Variants in ZNF469 observed in about 807,000 individuals in gnomAD.
The protein encoded by ZNF469 is zinc finger protein 469.
A neutral mutation model predicts 1.0 loss-of-function variants in ZNF469; 1 was observed. That is an observed-to-expected ratio of 1.00 (90% CI 0.35 to 4.73). The LOEUF (loss-of-function observed/expected upper bound fraction) is 4.73, where lower values mean the gene tolerates loss of function less well. ZNF469 is among the 30% of genes most tolerant of loss of function. The pLI, the probability that ZNF469 is intolerant of heterozygous loss-of-function variation, is 0.16. For missense variants in ZNF469, 6,100 were observed against 5,356.3 expected (o/e 1.14, Z -4.33); for synonymous variants, 2,703 against 2,363.4 (o/e 1.14, Z -4.17).
the ZNF469 span, among the ~76,000 whole-genome samples, chr16:88,320,418 C>T: frequency 6.6e-6 from 1 of 152,206 alleles, no homozygotes; most frequent in African/African-American, 2.4e-5. Context: ...GAATCTTGCT[C>T]TGTCGCCCAG....
the ZNF469 span, among the ~76,000 whole-genome samples, chr16:88,200,052 G>C: frequency 1.2e-4 from 19 of 152,220 alleles, no homozygotes; most frequent in Non-Finnish European, 2.1e-4. Flanking sequence ...CTTTGGGACG[G>C]TCAAACAGGC....
the ZNF469 span, among the ~76,000 whole-genome samples, chr16:88,245,680 A>G: frequency 1.3e-5 from 2 of 152,238 alleles, no homozygotes; most frequent in Non-Finnish European, 2.9e-5. Context: ...CCTTGCCTAC[A>G]GAGCTCATGA....
At chr16:88,397,090 C>A (rs1283610304) in intron 1 of ZNF469, among the ~76,000 whole-genome samples, 3 of 152,100 alleles carry the variant, frequency 2.0e-5, no homozygotes, top group African/African-American at 7.2e-5. Context: ...AGGCAGAGAC[C>A]CTGCTGCAGG....
the ZNF469 span, among the ~76,000 whole-genome samples, chr16:88,353,726 G>C: frequency 1.3e-5 from 2 of 152,220 alleles, no homozygotes; most frequent in Non-Finnish European, 2.9e-5. Context: ...AATTTGCTAT[G>C]GATTGAAATG....
In ZNF469 at chr16:88,439,563, C is replaced by T; in HGVS notation, c.*231C>T. The T allele has an allele frequency of 1.7e-6, 1 of 578,606 alleles. No individual in the cohort carries two copies. The highest frequency in any genetic ancestry group is 3.0e-5 in the East Asian group (1 of 33,772). 35.8% of individuals were successfully genotyped at this position (578,606 alleles called of 1,614,324 possible). A position where few individuals can be genotyped will look rare whatever the true frequency, so the allele number is the denominator to read the frequency against. ...GGTGAAAGACGGGGCCACTGCAGCC[C>T]TTTTGAGACCACACAGCTGTTTTCT... On this transcript the variant is annotated 3_prime_UTR_variant, in exon 3 of 3. Transcript: ENST00000565624.
chr16:88,227,285 C>T, the ZNF469 span, among the ~76,000 whole-genome samples: 1 of 152,178 alleles, frequency 6.6e-6, no homozygotes, highest in Non-Finnish European at 1.5e-5. Flanking sequence ...CAGTGTCTAG[C>T]ACAGGAAGAG....
the ZNF469 span, among the ~76,000 whole-genome samples, chr16:88,188,263 C>T: frequency 2.2e-4 from 33 of 152,026 alleles, no homozygotes; most frequent in African/African-American, 7.2e-4. Flanking sequence ...GCACCACAGG[C>T]TGCTCCCTCC....
chr16:88,370,579 G>A, the ZNF469 span, among the ~76,000 whole-genome samples: 2 of 152,152 alleles, frequency 1.3e-5, no homozygotes, highest in African/African-American at 4.8e-5. Flanking sequence ...GTGTGACTGG[G>A]CTGCTGCGTG....
the ZNF469 span, among the ~76,000 whole-genome samples, chr16:88,296,202 G>C: frequency 6.6e-6 from 1 of 152,188 alleles, no homozygotes; most frequent in Non-Finnish European, 1.5e-5. Flanking sequence ...TGGGGCTTCT[G>C]TGTCCAGACT....
the ZNF469 span, among the ~76,000 whole-genome samples, chr16:88,235,530 G>A: frequency 2.6e-5 from 4 of 152,314 alleles, no homozygotes; most frequent in Admixed American, 6.5e-5. Context: ...CAGCGCTGTC[G>A]CACTCCTTGA....
intron 1 of ZNF469, among the ~76,000 whole-genome samples, chr16:88,400,893 G>A (rs1430185074): frequency 6.6e-6 from 1 of 151,970 alleles, no homozygotes; most frequent in Non-Finnish European, 1.5e-5. Context: ...CAGAGGGCCA[G>A]GGGGTGGCGG....
chr16:88,227,686 A>C, the ZNF469 span, among the ~76,000 whole-genome samples: 4 of 147,840 alleles, frequency 2.7e-5, no homozygotes, highest in South Asian at 4.3e-4. Flanking sequence ...CCATATGTTC[A>C]TCTCTGTGTT....
At chr16:88,330,476 C>T in the ZNF469 span, among the ~76,000 whole-genome samples, 5 of 152,212 alleles carry the variant, frequency 3.3e-5, no homozygotes, top group African/African-American at 1.2e-4. Flanking sequence ...CACGCATATT[C>T]CCAGTGGTTC....
chr16:88,169,862 GCCCACCA>G, the ZNF469 span, among the ~76,000 whole-genome samples: 1 of 152,224 alleles, frequency 6.6e-6, no homozygotes, highest in Non-Finnish European at 1.5e-5. The surrounding 1 kb of genome is among the most constrained non-coding windows in gnomAD (Gnocchi z 6.1). Context: ...GCACACGTGG[GCCCACCA>G]GTCTCTCTGG....
At chr16:88,123,337 T>A in the ZNF469 span, among the ~76,000 whole-genome samples, 1 of 152,164 alleles carries the variant, frequency 6.6e-6, no homozygotes, top group African/African-American at 2.4e-5. Context: ...TCTCAGAAGG[T>A]CATTCCTTTT....
intron 1 of ZNF469, among the ~76,000 whole-genome samples, chr16:88,386,024 T>C (rs1260175657): frequency 6.6e-6 from 1 of 152,178 alleles, no homozygotes; most frequent in Non-Finnish European, 1.5e-5. Context: ...AAAGCCCAGA[T>C]GGAGGCCGCC....
chr16:88,199,768 A>T, the ZNF469 span, among the ~76,000 whole-genome samples: 4 of 152,146 alleles, frequency 2.6e-5, no homozygotes, highest in Admixed American at 1.3e-4. Flanking sequence ...CCACCATTCC[A>T]GCACTCTCTG....
chr16:88,337,260 G>A, the ZNF469 span, among the ~76,000 whole-genome samples: 1 of 152,170 alleles, frequency 6.6e-6, no homozygotes, highest in Non-Finnish European at 1.5e-5. Flanking sequence ...ATGGGGGCGG[G>A]CCTTTCCCAT....
At chr16:88,291,217 G>A in the ZNF469 span, among the ~76,000 whole-genome samples, 1 of 152,090 alleles carries the variant, frequency 6.6e-6, no homozygotes, top group Non-Finnish European at 1.5e-5. Context: ...AGCACCAGTG[G>A]GCAGAAACCA....
Sources: allele counts gnomAD v4.1 joint callset (sites outside exome capture counted in the v4.1 genomes callset), GRCh38; gene constraint gnomAD v4.1.1; non-coding constraint Gnocchi (gnomAD v3.1); transcripts MANE v1.5; gene names NCBI Gene and HGNC (gene_info 2026-07-23, HGNC 2026-07-21).